Variants in EXOC2 observed in about 807,000 individuals in gnomAD.
The protein encoded by EXOC2 is SEC5-like 1.
A neutral mutation model predicts 131.8 loss-of-function variants in EXOC2; 70 were observed. The ratio of observed to expected loss-of-function variants is 0.53; its 90% CI spans 0.44 to 0.65. The LOEUF (loss-of-function observed/expected upper bound fraction) is 0.65. EXOC2 is among the 30% of genes least tolerant of loss of function. EXOC2 has a pLI of 0.00. For missense variants in EXOC2, 923 were observed against 1,108.6 expected, an observed-to-expected ratio of 0.83 and a Z score of 2.38; for synonymous variants, 411 against 398.4, an observed-to-expected ratio of 1.03 and a Z score of -0.38.
intron 1 of EXOC2, among the ~76,000 whole-genome samples, chr6:647,379 C>T (rs1201658434): frequency 1.3e-5 from 2 of 151,214 alleles, no homozygotes; most frequent in Non-Finnish European, 2.9e-5. Flanking sequence ...TTTTGATTAT[C>T]AGCAGGGGTG....
rs530663325 is a variant in EXOC2, at chr6:591,372, G to C, written c.1192+1097C>G. 1.2e-3 allele frequency among the ~76,000 whole-genome samples: 188 copies of C among 152,210 alleles called. 3 individuals are homozygous for C. The highest frequency in any genetic ancestry group is 2.1e-3 in the South Asian group (10 of 4,824). On this transcript the variant is annotated intron_variant, in intron 11 of 27. Transcript: ENST00000230449. ...GTTCGTCTCTTCACTCCACCTCCAC[G>C]ATCTAAGCTCCAACCACACAGGATT... is the stretch of plus-strand genomic sequence containing the variant.
intron 1 of EXOC2, chr6:656,727 T>C (rs1763126384): frequency 2.5e-6 from 4 of 1,594,908 alleles, no homozygotes; most frequent in Non-Finnish European, 3.4e-6. Context: ...ATCGAGATCT[T>C]CCGAGACACC....
intron 22 of EXOC2, among the ~76,000 whole-genome samples, chr6:539,484 C>T (rs765117939): frequency 2.0e-5 from 3 of 152,148 alleles, no homozygotes; most frequent in Admixed American, 6.5e-5. Context: ...TTCCATCTCA[C>T]GCACCAGGCA....
chr6:567,813 TAAGAAA>T (rs995204704), intron 13 of EXOC2, among the ~76,000 whole-genome samples: 1 of 152,178 alleles, frequency 6.6e-6, no homozygotes, highest in Admixed American at 6.5e-5. Flanking sequence ...TGAATATACT[TAAGAAA>T]GTGTAACTGC....
intron 7 of EXOC2, among the ~76,000 whole-genome samples, chr6:606,114 G>T (rs1440186561): frequency 6.6e-6 from 1 of 152,152 alleles, no homozygotes; most frequent in South Asian, 2.1e-4. Context: ...CGTGTCCTTC[G>T]TAGGGACATG....
At chr6:670,675 CAAT>C (rs1763822915) in intron 1 of EXOC2, among the ~76,000 whole-genome samples, 3 of 152,174 alleles carry the variant, frequency 2.0e-5, no homozygotes, top group Non-Finnish European at 4.4e-5. Context: ...TGAAAATATT[CAAT>C]TCCTTTCTCT....
At chr6:585,962 T>A (rs529812989) in intron 11 of EXOC2, among the ~76,000 whole-genome samples, 13 of 152,224 alleles carry the variant, frequency 8.5e-5, no homozygotes, top group Non-Finnish European at 1.8e-4. Context: ...TTTCTTTATA[T>A]TGGAATGTAG....
intron 17 of EXOC2, among the ~76,000 whole-genome samples, chr6:560,101 G>GT (rs1215867085): frequency 6.6e-6 from 1 of 152,164 alleles, no homozygotes; most frequent in East Asian, 1.9e-4. Context: ...TAAACTTCAT[G>GT]TATTATTATC....
chr6:628,944 G>A lies in EXOC2; in HGVS notation c.422+891C>T, dbSNP rs544869935. 2.6e-5 allele frequency among the ~76,000 whole-genome samples: 4 copies of A among 152,290 alleles called. No individual in the cohort carries two copies. The South Asian group carries it at 8.3e-4, about 32-fold the overall frequency. On this transcript the variant is annotated intron_variant, in intron 4 of 27. Coordinates refer to ENST00000230449, the MANE Select transcript of EXOC2 (RefSeq NM_018303.6). ...GAACAGTCAAAGCTCACGTGAAGCTGCTAAGCCCCAGACTTTTTCAACACG... is the reference window on the plus strand; with the variant it reads ...GAACAGTCAAAGCTCACGTGAAGCTACTAAGCCCCAGACTTTTTCAACACG...
At chr6:682,266 C>G (rs1764441212) in intron 1 of EXOC2, among the ~76,000 whole-genome samples, 1 of 146,442 alleles carries the variant, frequency 6.8e-6, no homozygotes, top group African/African-American at 2.5e-5. Context: ...GTGGCAGGAT[C>G]TGGGGTCACT....
intron 21 of EXOC2, among the ~76,000 whole-genome samples, chr6:551,428 C>A (rs766356227): frequency 6.6e-6 from 1 of 152,216 alleles, no homozygotes. Flanking sequence ...ACACTGGAGA[C>A]TAAGGCAGGA....
intron 6 of EXOC2, among the ~76,000 whole-genome samples, chr6:615,079 A>C (rs1361203447): frequency 2.6e-5 from 4 of 152,186 alleles, no homozygotes; most frequent in African/African-American, 9.7e-5. Context: ...AAAAATTAGA[A>C]TGCAATGCTA....
chr6:572,487 C>T, intron 13 of EXOC2, 33 bp downstream of exon 13: 1 of 1,583,070 alleles, frequency 6.3e-7, no homozygotes, highest in Non-Finnish European at 8.6e-7. Context: ...CACGGTGACT[C>T]AGCTCCACCT....
At chr6:691,591 T>G (rs1413773835) in intron 1 of EXOC2, among the ~76,000 whole-genome samples, 1 of 152,242 alleles carries the variant, frequency 6.6e-6, no homozygotes, top group Non-Finnish European at 1.5e-5. Flanking sequence ...ACAAAATACA[T>G]GTAAGTCAAC....
At chr6:541,878 C>G (rs946445534) in intron 22 of EXOC2, among the ~76,000 whole-genome samples, 4 of 152,070 alleles carry the variant, frequency 2.6e-5, no homozygotes, top group African/African-American at 9.7e-5. Context: ...ATAAATAATT[C>G]CAATCTTATG....
chr6:609,490 A>G (rs1370050152), intron 7 of EXOC2, among the ~76,000 whole-genome samples: 1 of 152,252 alleles, frequency 6.6e-6, no homozygotes, highest in Admixed American at 6.5e-5. Context: ...AATCAGCAGG[A>G]TAAGTAGCTG....
intron 1 of EXOC2, among the ~76,000 whole-genome samples, chr6:652,655 A>G (rs1409603117): frequency 3.9e-5 from 6 of 152,202 alleles, no homozygotes; most frequent in African/African-American, 1.4e-4. Context: ...AAACAATGAA[A>G]CATTAAGAAT....
chr6:623,313 G>A (rs917970528), intron 4 of EXOC2, among the ~76,000 whole-genome samples: 5 of 152,168 alleles, frequency 3.3e-5, no homozygotes, highest in African/African-American at 1.2e-4. Context: ...TCAGGCCCCT[G>A]AACTGGGCCA....
intron 10 of EXOC2, among the ~76,000 whole-genome samples, chr6:596,334 A>G (rs750485873): frequency 4.0e-5 from 6 of 151,704 alleles, no homozygotes; most frequent in Non-Finnish European, 7.4e-5. Context: ...TCACACTTGC[A>G]CACACAGCAG....
Sources: gnomAD v4.1 joint callset for allele counts (sites outside exome capture counted in the v4.1 genomes callset) on GRCh38, gnomAD v4.1.1 for gene constraint, MANE v1.5 for transcripts, NCBI Gene and HGNC (gene_info 2026-07-23, HGNC 2026-07-21) for gene names.